Variants in ESRRG observed in about 807,000 individuals in gnomAD.
ESRRG encodes the protein estrogen related receptor gamma.
In ESRRG, 13 loss-of-function variants were observed where a neutral mutation model predicts 44.0. That is an observed-to-expected ratio of 0.30 (90% CI 0.19 to 0.47). The LOEUF (loss-of-function observed/expected upper bound fraction) is 0.47. ESRRG is among the 20% of genes least tolerant of loss of function. ESRRG has a pLI of 1.00. For missense variants in ESRRG, 395 were observed against 580.6 expected, an observed-to-expected ratio of 0.68 and a Z score of 3.29; for synonymous variants, 215 against 214.6, an observed-to-expected ratio of 1.00 and a Z score of -0.02.
chr1:216,785,598 AGACTGTTATGCAAT>A (rs1193340891), intron 2 of ESRRG, among the ~76,000 whole-genome samples: 1 of 152,114 alleles, frequency 6.6e-6, no homozygotes, highest in Non-Finnish European at 1.5e-5. Flanking sequence ...AAGAGAAAGA[AGACTGTTATGCAAT>A]AAAAACCAAA....
chr1:216,953,856 TATA>T (rs1344633427), intron 1 of ESRRG, among the ~76,000 whole-genome samples: 1 of 152,068 alleles, frequency 6.6e-6, no homozygotes, highest in Non-Finnish European at 1.5e-5. Flanking sequence ...ATATAACAGA[TATA>T]ATTATAACTA....
At chr1:217,097,110 G>A (rs1003106320) in intron 1 of ESRRG, among the ~76,000 whole-genome samples, 1 of 152,116 alleles carries the variant, frequency 6.6e-6, no homozygotes, top group African/African-American at 2.4e-5. Context: ...AGCTACTCAG[G>A]AGGCTGAGGT....
chr1:216,558,172 A>C (rs887205651), intron 5 of ESRRG, among the ~76,000 whole-genome samples: 2 of 152,138 alleles, frequency 1.3e-5, no homozygotes, highest in Admixed American at 6.6e-5. Context: ...CTGTTGGTCT[A>C]CTTTTTTGTT....
rs553012852 is a variant in ESRRG, at chr1:217,009,548, G to A, written c.-105-69875C>T. Among the ~76,000 whole-genome samples the A allele has an allele frequency of 1.4e-4, 21 of 152,230 alleles. No individual in the cohort carries two copies. In the South Asian group the frequency reaches 2.3e-3, roughly 17 times the overall value. On this transcript the variant is annotated intron_variant, in intron 1 of 7. Coordinates refer to the ESRRG transcript ENST00000359162. ...ACTTCCCATTGTTCCATGATGTGCA[G>A]CTACTACATTAGCTTCATTGTCTAT...
At chr1:217,054,012 T>A (rs943889939) in intron 1 of ESRRG, among the ~76,000 whole-genome samples, 1 of 149,738 alleles carries the variant, frequency 6.7e-6, no homozygotes, top group African/African-American at 2.5e-5. Context: ...ACTGCTGACA[T>A]GTTTGGTTTT....
chr1:216,721,658 C>A (rs961724364), intron 1 of ESRRG, among the ~76,000 whole-genome samples: 2 of 152,108 alleles, frequency 1.3e-5, no homozygotes, highest in Non-Finnish European at 2.9e-5. Context: ...CAAAAAGAAG[C>A]CTCTGGGGGA....
At chr1:216,928,745 C>T (rs749572297) in intron 2 of ESRRG, among the ~76,000 whole-genome samples, 1 of 152,124 alleles carries the variant, frequency 6.6e-6, no homozygotes, top group African/African-American at 2.4e-5. Context: ...AAAATGTGGT[C>T]GCTACATACA....
intron 1 of ESRRG, 101 bp from the exon 2 acceptor site, chr1:216,677,592 A>C: frequency 1.0e-6 from 1 of 985,802 alleles, no homozygotes; most frequent in Non-Finnish European, 1.5e-6. Context: ...AAATAGAGAA[A>C]GGGAAAGGGA....
intron 1 of ESRRG, among the ~76,000 whole-genome samples, chr1:216,717,688 C>G (rs1442425573): frequency 6.6e-6 from 1 of 151,744 alleles, no homozygotes; most frequent in Non-Finnish European, 1.5e-5. Flanking sequence ...TAAGTAAATT[C>G]ACAGACTTCT....
intron 3 of ESRRG, among the ~76,000 whole-genome samples, chr1:216,585,471 A>C (rs764748002): frequency 6.6e-6 from 1 of 150,996 alleles, no homozygotes; most frequent in Non-Finnish European, 1.5e-5. Context: ...GAAATCAAAA[A>C]GTAAAAACTA....
intron 2 of ESRRG, among the ~76,000 whole-genome samples, chr1:216,750,629 T>C (rs2091913350): frequency 6.6e-6 from 1 of 152,130 alleles, no homozygotes; most frequent in Non-Finnish European, 1.5e-5. Context: ...TATAAATATA[T>C]GTCCTGACAA....
chr1:216,914,790 T>C (rs2149640936), intron 2 of ESRRG, among the ~76,000 whole-genome samples: 1 of 152,256 alleles, frequency 6.6e-6, no homozygotes, highest in African/African-American at 2.4e-5. Context: ...ATGCAGTCTA[T>C]GAAGCACTGG....
intron 2 of ESRRG, among the ~76,000 whole-genome samples, chr1:216,801,885 C>T (rs1385183454): frequency 6.6e-6 from 1 of 152,090 alleles, no homozygotes; most frequent in East Asian, 1.9e-4. Context: ...GTTTTTCCAT[C>T]TGGTTCCTAT....
At chr1:216,641,415 C>T (rs1265653915) in intron 3 of ESRRG, among the ~76,000 whole-genome samples, 1 of 152,194 alleles carries the variant, frequency 6.6e-6, no homozygotes, top group African/African-American at 2.4e-5. Context: ...ATCTTTAAAA[C>T]ATTAGAACTT....
At chr1:216,709,362 T>TATATATATA (rs2083137254) in intron 1 of ESRRG, among the ~76,000 whole-genome samples, 1 of 150,148 alleles carries the variant, frequency 6.7e-6, no homozygotes, top group African/African-American at 2.4e-5. Flanking sequence ...TATATATATA[T>TATATATATA]TCAATTTCTC....
intron 2 of ESRRG, among the ~76,000 whole-genome samples, chr1:216,803,479 T>A (rs1386132825): frequency 1.3e-5 from 2 of 152,162 alleles, no homozygotes; most frequent in Non-Finnish European, 2.9e-5. Flanking sequence ...CAGATGAGAA[T>A]AAGAACTGCC....
chr1:216,834,921 G>A (rs961114754), intron 2 of ESRRG, among the ~76,000 whole-genome samples: 2 of 152,306 alleles, frequency 1.3e-5, no homozygotes, highest in African/African-American at 4.8e-5. Flanking sequence ...GGTCATTGGA[G>A]CCTTAGAGAC....
intron 1 of ESRRG, among the ~76,000 whole-genome samples, chr1:217,008,389 C>G (rs1230236269): frequency 6.6e-6 from 1 of 152,204 alleles, no homozygotes; most frequent in Non-Finnish European, 1.5e-5. Context: ...TATAATCTAG[C>G]AACTGAATTC....
chr1:216,658,470 T>C (rs1340328525), intron 2 of ESRRG, among the ~76,000 whole-genome samples: 1 of 152,022 alleles, frequency 6.6e-6, no homozygotes, highest in Non-Finnish European at 1.5e-5. Flanking sequence ...CTTTAGCATA[T>C]TACTTTGCAT....
Sources: allele counts gnomAD v4.1 joint callset (sites outside exome capture counted in the v4.1 genomes callset), GRCh38; gene constraint gnomAD v4.1.1; transcripts MANE v1.5; gene names NCBI Gene and HGNC (gene_info 2026-07-23, HGNC 2026-07-21).